The following DMBT1 variants were observed in gnomAD, a reference collection of about 807,000 sequenced individuals.
DMBT1 encodes deleted in malignant brain tumors 1, also known as scavenger receptor cysteine-rich domain-containing protein DMBT1.
In DMBT1, 198 loss-of-function variants were observed where a neutral mutation model predicts 252.9. The ratio of observed to expected loss-of-function variants is 0.78; its 90% CI spans 0.70 to 0.88. The LOEUF is 0.88. Among genes scored for constraint, DMBT1 ranks in the 40% least tolerant of loss-of-function variants. DMBT1 has a pLI of 0.00. For synonymous variants in DMBT1, 990 were observed against 942.7 expected (o/e 1.05, Z -0.92); for missense variants, 2,432 against 2,404.7 (o/e 1.01, Z -0.24).
chr10:122,573,928 G>A (rs1304163270), intron 6 of DMBT1, among the ~76,000 whole-genome samples, 166 bp downstream of exon 6: 2 of 152,156 alleles, frequency 1.3e-5, no homozygotes, highest in Non-Finnish European at 2.9e-5. Context: ...ATCTTGCATC[G>A]ATCATGTCTG....
At chr10:122,572,146 G>C (rs1217204346) in intron 4 of DMBT1, among the ~76,000 whole-genome samples, 168 bp from the exon 5 acceptor site, 1 of 152,214 alleles carries the variant, frequency 6.6e-6, no homozygotes, top group Admixed American at 6.5e-5. Context: ...GGCCCAGCGT[G>C]GGACCAGTAC....
chr10:122,628,583 C>G (rs1026946205), intron 46 of DMBT1, among the ~76,000 whole-genome samples: 4 of 152,174 alleles, frequency 2.6e-5, no homozygotes, highest in African/African-American at 9.7e-5. Context: ...TTGCAGTAAG[C>G]TGAGATCGTG....
At chr10:122,621,629 G>T (rs2098069887) in intron 44 of DMBT1, among the ~76,000 whole-genome samples, 1 of 152,156 alleles carries the variant, frequency 6.6e-6, no homozygotes, top group African/African-American at 2.4e-5. Context: ...GCAAGGAAGA[G>T]GCAGAAGAAA....
chr10:122,618,363 T>C, intron 41 of DMBT1, 23 bp downstream of exon 41: 1 of 1,613,836 alleles, frequency 6.2e-7, no homozygotes, highest in African/African-American at 1.3e-5. Flanking sequence ...GACCTTGGGC[T>C]CCCTCTCTTA....
At chr10:122,590,805 C>A in intron 18 of DMBT1, 111 bp downstream of exon 18, 2 of 1,326,742 alleles carry the variant, frequency 1.5e-6, no homozygotes, top group Non-Finnish European at 2.1e-6. Context: ...GTGGGTCATA[C>A]TATTTTCCCT....
intron 25 of DMBT1, among the ~76,000 whole-genome samples, chr10:122,598,280 G>T (rs1314941358): frequency 6.6e-6 from 1 of 152,088 alleles, no homozygotes; most frequent in Non-Finnish European, 1.5e-5. Flanking sequence ...GCCCTGGAGG[G>T]TTCCCTAATC....
intron 46 of DMBT1, among the ~76,000 whole-genome samples, chr10:122,627,166 T>C (rs2098124676): frequency 6.6e-6 from 1 of 152,238 alleles, no homozygotes; most frequent in South Asian, 2.1e-4. Flanking sequence ...AAACTGCATT[T>C]CCTGAAGGCA....
intron 7 of DMBT1, 46 bp downstream of exon 7, chr10:122,576,768 T>C (rs1447255406): frequency 6.2e-7 from 1 of 1,608,902 alleles, no homozygotes; most frequent in Non-Finnish European, 8.5e-7. Flanking sequence ...GGCTCATGCC[T>C]TTAATCCCCA....
At chr10:122,617,613 G>A (rs1317001616) in intron 40 of DMBT1, among the ~76,000 whole-genome samples, 1 of 151,628 alleles carries the variant, frequency 6.6e-6, no homozygotes, top group South Asian at 2.1e-4. Flanking sequence ...CCCTGCAGCT[G>A]TCTGGCCAAG....
chr10:122,621,441 C>G, intron 44 of DMBT1, 61 bp downstream of exon 44: 1 of 1,609,052 alleles, frequency 6.2e-7, no homozygotes, highest in South Asian at 1.1e-5. Flanking sequence ...GAAGAAACTC[C>G]TAATTACATT....
At chr10:122,570,082 T>C in intron 2 of DMBT1, 80 bp from the exon 3 acceptor site, 1 of 1,313,436 alleles carries the variant, frequency 7.6e-7, no homozygotes, top group South Asian at 1.2e-5. Context: ...CAGTTCTTGC[T>C]TGAGAGCTGA....
Position 122,636,012 on chromosome 10 carries a change from T to C in DMBT1, c.6570T>C (p.Tyr2190=). 1 of 1,613,970 alleles carries C rather than the reference T, an allele frequency of 6.2e-7. No homozygotes were observed. The highest frequency in any genetic ancestry group is 8.5e-7 in the Non-Finnish European group (1 of 1,179,878). ...GCAGGCTTGAAGGTGGCTGCAACTA[T>C]GATTATATTGAAGTTTTCGATGGCC... is the stretch of plus-strand genomic sequence containing the variant. ...RDVQLEGGCN[Y]DYIEVFDGPY... is the part of the protein sequence containing the mutation. The change falls in exon 53 of 56, where the codon TAT becomes TAC. Residue 2190 remains tyrosine, a synonymous_variant. Coordinates refer to ENST00000338354, the MANE Select transcript of DMBT1 (RefSeq NM_001377530.1).
chr10:122,573,665 CCCCAAGCGAGGG>C (rs776744023), intron 5 of DMBT1, 38 bp from the exon 6 acceptor site: 4 of 1,608,704 alleles, frequency 2.5e-6, no homozygotes, highest in Non-Finnish European at 3.4e-6. Flanking sequence ...GACCAACCCT[CCCCAAGCGAGGG>C]CTACGATCAA....
Position 122,630,413 on chromosome 10 carries a change from G to A in DMBT1, c.5948G>A (p.Arg1983Gln), listed in dbSNP as rs1053096728. ...CAAATATTTACATCTTCTTACAACCGAATGACCATTCACTTTCGAAGTGAC... is the reference window on the plus strand; with the variant it reads ...CAAATATTTACATCTTCTTACAACCAAATGACCATTCACTTTCGAAGTGAC... ...TRQIFTSSYN[R>Q]MTIHFRSDIS... The change falls in exon 48 of 56, where the codon CGA becomes CAA. Residue 1983 changes from arginine (R) to glutamine (Q), a missense_variant. Arg to Gln is a conservative substitution (Grantham distance 43). Transcript: ENST00000338354. 10 of 1,613,916 alleles carry A rather than the reference G, an allele frequency of 6.2e-6. No individual in the cohort carries two copies. The highest frequency in any genetic ancestry group is 2.2e-5 in the East Asian group (1 of 44,868).
At position 122,597,993 on chromosome 10, in the gene DMBT1, C is replaced by G. The variant is rs191982005; in HGVS notation, c.2937C>G (p.Thr979=). ...TTACAGACACATTGCCGACCATCAC[C>G]TTGCCTGCATCGACAGTAGGTAAAT... ...TPSPDTLPTI[T]LPASTVGSES... Residue 979 remains threonine, a synonymous_variant, in exon 25 of 56, where the codon ACC becomes ACG. Coordinates refer to ENST00000338354, the MANE Select transcript of DMBT1 (RefSeq NM_001377530.1). The G allele has an allele frequency of 4.9e-5, 79 of 1,613,946 alleles. No individual in the cohort carries two copies. The Admixed American group carries it at 9.0e-4, about 18-fold the overall frequency.
Position 122,590,700 on chromosome 10 carries a change from T to A in DMBT1, c.2137+6T>A, listed in dbSNP as rs780677492. 6.3e-7 allele frequency: 1 copy of A among 1,587,030 alleles called. No individual in the cohort carries two copies. The highest frequency in any genetic ancestry group is 2.3e-5 in the East Asian group (1 of 42,696). ...CCGGTCGACGCCCAGGCCAGGTGAG[T>A]CCCCAGTGTCCTTCCTTGGGATGTC... On this transcript the variant is annotated splice_donor_region_variant and intron_variant, in intron 18 of 55. Coordinates refer to ENST00000338354, the MANE Select transcript of DMBT1 (RefSeq NM_001377530.1).
intron 24 of DMBT1, 44 bp downstream of exon 24, chr10:122,597,098 G>A (rs2097888997): frequency 2.2e-6 from 1 of 451,004 alleles, no homozygotes; most frequent in Admixed American, 3.8e-5. Context: ...TTCTCTTTCT[G>A]TATAATTATC....
intron 2 of DMBT1, among the ~76,000 whole-genome samples, chr10:122,567,256 C>T (rs1042922421): frequency 2.6e-5 from 4 of 152,162 alleles, no homozygotes; most frequent in African/African-American, 9.7e-5. Flanking sequence ...ACAGGGTGAC[C>T]AGGAGGGGGC....
chr10:122,566,576 C>T (rs113218147), intron 2 of DMBT1, among the ~76,000 whole-genome samples: 8,692 of 152,138 alleles, frequency 0.057, 785 homozygotes, highest in African/African-American at 0.19. Context: ...TCCCAAAGTG[C>T]TGGGGTTACA....
Sources: allele counts gnomAD v4.1 joint callset (sites outside exome capture counted in the v4.1 genomes callset), GRCh38; gene constraint gnomAD v4.1.1; transcripts MANE v1.5; gene names NCBI Gene and HGNC (gene_info 2026-07-23, HGNC 2026-07-21).